Variants in OXCT1 observed in about 807,000 individuals in gnomAD.
The protein encoded by OXCT1 is 3-oxoacid CoA-transferase 1, also known as succinyl-CoA:3-ketoacid coenzyme A transferase 1, mitochondrial.
A neutral mutation model predicts 69.6 loss-of-function variants in OXCT1; 27 were observed. The ratio of observed to expected loss-of-function variants is 0.39; its 90% CI spans 0.29 to 0.54. The LOEUF is 0.54. Among genes scored for constraint, OXCT1 ranks in the 20% least tolerant of loss-of-function variants. The pLI is 0.72. For missense variants in OXCT1, 437 were observed against 650.2 expected (o/e 0.67, Z 3.57); for synonymous variants, 202 against 217.8 (o/e 0.93, Z 0.64).
At chr5:41,806,933 G>A (rs1746708902) in intron 8 of OXCT1, among the ~76,000 whole-genome samples, 1 of 151,974 alleles carries the variant, frequency 6.6e-6, no homozygotes, top group South Asian at 2.1e-4. Context: ...CTAGAAAAGT[G>A]CAAAGCACCT....
At chr5:41,775,173 G>C (rs535300802) in intron 13 of OXCT1, among the ~76,000 whole-genome samples, 146 of 152,082 alleles carry the variant, frequency 9.6e-4, no homozygotes, top group South Asian at 1.9e-3. Context: ...ACTCACTTCT[G>C]ACCCTAACTA....
At chr5:41,807,204 C>T (rs1194355838) in intron 8 of OXCT1, 127 bp downstream of exon 8, 2 of 695,234 alleles carry the variant, frequency 2.9e-6, no homozygotes, top group African/African-American at 1.8e-5. Flanking sequence ...ACATGAGAAG[C>T]TCTTACTAAG....
At chr5:41,780,303 T>C (rs1417142133) in intron 13 of OXCT1, among the ~76,000 whole-genome samples, 8 of 152,194 alleles carry the variant, frequency 5.3e-5, no homozygotes, top group Admixed American at 5.2e-4. Flanking sequence ...TCAACATCAA[T>C]TTAAATAATG....
chr5:41,834,756 C>T (rs1748274505), intron 7 of OXCT1, among the ~76,000 whole-genome samples: 1 of 152,128 alleles, frequency 6.6e-6, no homozygotes, highest in South Asian at 2.1e-4. Context: ...TCAGCACTGA[C>T]AGATTTCTCA....
chr5:41,843,294 T>A (rs1356079229), intron 5 of OXCT1, among the ~76,000 whole-genome samples: 1 of 152,218 alleles, frequency 6.6e-6, no homozygotes, highest in Non-Finnish European at 1.5e-5. Flanking sequence ...ACAAGCCCTA[T>A]CTTCCCACCC....
chr5:41,842,653 GT>G (rs1561121737), intron 6 of OXCT1, 21 bp downstream of exon 6: 6 of 1,538,224 alleles, frequency 3.9e-6, no homozygotes, highest in Non-Finnish European at 5.4e-6. Context: ...ATGCACGAGT[GT>G]TTTTAAAACT....
rs201384699 is a variant in OXCT1 at position 41,870,312 on chromosome 5, G to A, written c.47C>T (p.Ser16Phe). ...LLSSGLRLCA[S>F]ARGSGATWYK... ...CCAGGTTGCCCCAGATCCGCGGGCA[G>A]AGGCGCAGAGCCGAAGCCCGGAGGA... Residue 16 changes from serine to phenylalanine, a missense_variant, in exon 1 of 17, where the codon TCT becomes TTT. Coordinates refer to ENST00000196371, the MANE Select transcript of OXCT1 (RefSeq NM_000436.4). This position sits in a 1 kb window ranked among gnomAD's most constrained non-coding sequence, Gnocchi z 4.2. 5 of 1,614,042 alleles carry A rather than the reference G, an allele frequency of 3.1e-6. No homozygotes were observed. In the African/African-American group the frequency reaches 6.7e-5, roughly 22 times the overall value.
At chr5:41,808,983 T>G (rs928488107) in intron 7 of OXCT1, among the ~76,000 whole-genome samples, 1 of 152,048 alleles carries the variant, frequency 6.6e-6, no homozygotes, top group Non-Finnish European at 1.5e-5. Flanking sequence ...ATTATAATAA[T>G]GAATTGAAAA....
chr5:41,763,862 CT>C (rs1329265773), intron 13 of OXCT1, among the ~76,000 whole-genome samples: 1 of 152,120 alleles, frequency 6.6e-6, no homozygotes, highest in East Asian at 1.9e-4. Flanking sequence ...TAGGTAAAAA[CT>C]TATGACAGCC....
chr5:41,851,566 T>G (rs1749174421), intron 4 of OXCT1, among the ~76,000 whole-genome samples: 1 of 152,062 alleles, frequency 6.6e-6, no homozygotes, highest in Non-Finnish European at 1.5e-5. Flanking sequence ...CTCCTTACCC[T>G]CACCCACCAA....
At chr5:41,763,438 C>A (rs1744444917) in intron 13 of OXCT1, among the ~76,000 whole-genome samples, 1 of 152,084 alleles carries the variant, frequency 6.6e-6, no homozygotes. Context: ...TAAGCAATGC[C>A]TTCATTCTTA....
chr5:41,838,719 G>A (rs1748491274), intron 7 of OXCT1, among the ~76,000 whole-genome samples: 1 of 151,422 alleles, frequency 6.6e-6, no homozygotes. Context: ...TTGACCTCCT[G>A]GACTCAGGCG....
At chr5:41,764,776 T>C (rs1160123911) in intron 13 of OXCT1, among the ~76,000 whole-genome samples, 1 of 152,168 alleles carries the variant, frequency 6.6e-6, no homozygotes, top group Non-Finnish European at 1.5e-5. Flanking sequence ...ATGCAACTGC[T>C]AACTGTGGCT....
intron 7 of OXCT1, among the ~76,000 whole-genome samples, chr5:41,817,218 G>A (rs1747290245): frequency 6.6e-6 from 1 of 151,804 alleles, no homozygotes; most frequent in South Asian, 2.1e-4. Context: ...GTATTTCACT[G>A]AGCCTTCCTA....
intron 6 of OXCT1, among the ~76,000 whole-genome samples, chr5:41,841,469 C>T (rs997298540): frequency 6.6e-6 from 1 of 152,142 alleles, no homozygotes. Flanking sequence ...CCTAGACAGA[C>T]TTCTGTTCCA....
intron 13 of OXCT1, among the ~76,000 whole-genome samples, chr5:41,769,045 A>T (rs1744752736): frequency 6.6e-6 from 1 of 152,144 alleles, no homozygotes; most frequent in East Asian, 1.9e-4. Context: ...TTCTTTATGT[A>T]TCAATCATGA....
intron 9 of OXCT1, 44 bp downstream of exon 9, chr5:41,805,523 G>T: frequency 7.5e-7 from 1 of 1,328,932 alleles, no homozygotes; most frequent in Non-Finnish European, 1.1e-6. Flanking sequence ...TATGGGAAAA[G>T]CAAAGGCTAT....
intron 7 of OXCT1, among the ~76,000 whole-genome samples, chr5:41,817,034 C>T (rs1452441094): frequency 6.6e-6 from 1 of 152,090 alleles, no homozygotes; most frequent in African/African-American, 2.4e-5. Flanking sequence ...TGATCGAGGT[C>T]CCAAATCCAA....
chr5:41,834,771 G>C (rs573116173), intron 7 of OXCT1, among the ~76,000 whole-genome samples: 2 of 152,180 alleles, frequency 1.3e-5, no homozygotes, highest in East Asian at 3.9e-4. Context: ...TTCTCAGGAA[G>C]AAAAGTCAGA....
Sources: allele counts gnomAD v4.1 joint callset (sites outside exome capture counted in the v4.1 genomes callset), GRCh38; gene constraint gnomAD v4.1.1; non-coding constraint Gnocchi (gnomAD v3.1); transcripts MANE v1.5; gene names NCBI Gene and HGNC (gene_info 2026-07-23, HGNC 2026-07-21).